Variants in ARHGAP1 observed in about 807,000 individuals in gnomAD.
ARHGAP1 encodes the protein rho GTPase-activating protein 1.
ARHGAP1 carries 23 observed loss-of-function variants against 52.2 expected under a neutral mutation model. The ratio of observed to expected loss-of-function variants is 0.44; its 90% CI spans 0.32 to 0.62. ARHGAP1 has a LOEUF of 0.62. Ranked by LOEUF, ARHGAP1 falls within the 20% of genes least tolerant of loss-of-function variation. The pLI is 0.05. For missense variants in ARHGAP1, 480 were observed against 560.9 expected (o/e 0.86, Z 1.46); for synonymous variants, 210 against 228.4 (o/e 0.92, Z 0.73).
chr11:46,680,892 G>T lies in ARHGAP1; in HGVS notation c.635+119C>A. The T allele has an allele frequency of 8.9e-7, 1 of 1,123,640 alleles. No individual in the cohort carries two copies. The highest frequency in any genetic ancestry group is 1.3e-6 in the Non-Finnish European group (1 of 775,738). The allele number at this position is 1,123,640 out of a possible 1,614,324, so 69.6% of individuals were successfully genotyped here. A position where few individuals can be genotyped will look rare whatever the true frequency, so the allele number is the denominator to read the frequency against. On this transcript the variant is annotated intron_variant, in intron 7 of 12. Coordinates refer to ENST00000311956, the MANE Select transcript of ARHGAP1 (RefSeq NM_004308.5). This position sits in a 1 kb window ranked among gnomAD's most constrained non-coding sequence, Gnocchi z 5.9. ...TCCGCTTTCCACAGCAGAAAGCAAA[G>T]ACCTGGGAGAGGTCGGGACACGGGC...
At chr11:46,694,799 G>C (rs1211637289) in intron 3 of ARHGAP1, among the ~76,000 whole-genome samples, 1 of 152,198 alleles carries the variant, frequency 6.6e-6, no homozygotes, top group African/African-American at 2.4e-5. Flanking sequence ...CACCTTTGAC[G>C]TTCGGGGCAA....
intron 1 of ARHGAP1, among the ~76,000 whole-genome samples, chr11:46,698,520 A>C (rs182066347): frequency 3.9e-5 from 6 of 151,940 alleles, no homozygotes; most frequent in East Asian, 1.9e-4. Context: ...AGGCAGGAGA[A>C]TCACTTGAAC....
rs929534574 is a variant in ARHGAP1, at chr11:46,677,196, C to T, written c.*1841G>A. 6.6e-6 allele frequency: 1 copy of T among 152,618 alleles called. No individual in the cohort carries two copies. Among genetic ancestry groups the T allele is most frequent in the African/African-American group, 2.4e-5 (1 of 41,458 alleles). The allele number at this position is 152,618 out of a possible 1,614,324, so 9.5% of individuals were successfully genotyped here. A position where few individuals can be genotyped will look rare whatever the true frequency, so the allele number is the denominator to read the frequency against. On this transcript the variant is annotated 3_prime_UTR_variant, in exon 13 of 13. Transcript: ENST00000311956. ...ACTGGATTCACACAGTACAAGCACC[C>T]GCTCCCTGGGGTACAGACCAGTGGG...
intron 4 of ARHGAP1, among the ~76,000 whole-genome samples, chr11:46,683,038 T>C (rs1260203874): frequency 2.0e-4 from 1 of 5,116 alleles, no homozygotes; most frequent in East Asian, 0.021. Flanking sequence ...CAAAGCCTGC[T>C]TTTTTTTTTT....
intron 3 of ARHGAP1, among the ~76,000 whole-genome samples, chr11:46,693,446 C>A (rs2064629704): frequency 6.6e-6 from 1 of 150,876 alleles, no homozygotes. Context: ...TGCTCTATCA[C>A]CCAGGCTGGA....
At chr11:46,693,351 C>T (rs2064629032) in intron 3 of ARHGAP1, among the ~76,000 whole-genome samples, 2 of 151,464 alleles carry the variant, frequency 1.3e-5, no homozygotes, top group South Asian at 4.2e-4. Context: ...GGATACCTTT[C>T]ATAGTTGCAA....
chr11:46,689,780 C>A (rs2064597358), intron 3 of ARHGAP1, among the ~76,000 whole-genome samples: 1 of 152,082 alleles, frequency 6.6e-6, no homozygotes. Flanking sequence ...ACGTCACGAT[C>A]CACCTGCCTT....
In ARHGAP1 at chr11:46,688,242, C is replaced by T. The variant is rs138980294; in HGVS notation, c.248G>A (p.Arg83Gln). Residue 83 changes from arginine (R) to glutamine (Q), a missense_variant, in exon 4 of 13, where the codon CGG becomes CAG. Coordinates refer to ENST00000311956, the MANE Select transcript of ARHGAP1 (RefSeq NM_004308.5). ...VEVAGDDKYGRKIIVFSACRM... is the reference protein window; with the variant it reads ...VEVAGDDKYGQKIIVFSACRM... ...ACAGGCACTAAACACAATGATCTTC[C>T]GCCCATACTTGTCATCTCCTAGGTG... 133 of 1,613,738 alleles carry T rather than the reference C, an allele frequency of 8.2e-5. No homozygotes were observed. Among genetic ancestry groups the T allele is most frequent in the Admixed American group, 2.8e-4 (17 of 59,978 alleles).
chr11:46,699,598 G>A (rs368361050), intron 1 of ARHGAP1, among the ~76,000 whole-genome samples: 1 of 151,994 alleles, frequency 6.6e-6, no homozygotes, highest in African/African-American at 2.4e-5. Flanking sequence ...AGCTACCTGG[G>A]AGGCTGAGGC....
intron 4 of ARHGAP1, chr11:46,686,871 T>C (rs1592387760): frequency 6.6e-6 from 1 of 152,206 alleles, no homozygotes; most frequent in South Asian, 2.1e-4. Flanking sequence ...TGACTGAAAA[T>C]GGGACAAAGT....
At position 46,678,766 on chromosome 11, in the gene ARHGAP1, T is replaced by A. The variant is rs1239178527; in HGVS notation, c.*271A>T. On this transcript the variant is annotated 3_prime_UTR_variant, in exon 13 of 13. Transcript: ENST00000311956. ...AAAGGGGTTACTGGGGCTCAGTCCT[T>A]CTCCAGCTGGAAGAGCCAAGCCCAG... The A allele has an allele frequency of 3.3e-5, 16 of 481,770 alleles. No homozygotes were observed. The highest frequency in any genetic ancestry group is 4.8e-5 in the Non-Finnish European group (13 of 270,506). The allele number at this position is 481,770 out of a possible 1,614,324, so 29.8% of individuals were successfully genotyped here. A position where few individuals can be genotyped will look rare whatever the true frequency, so the allele number is the denominator to read the frequency against.
intron 3 of ARHGAP1, among the ~76,000 whole-genome samples, chr11:46,693,372 G>A (rs2064629245): frequency 1.3e-5 from 2 of 150,314 alleles, no homozygotes; most frequent in South Asian, 4.2e-4. Context: ...AGTGGACTGT[G>A]ACCAGTTTTA....
intron 3 of ARHGAP1, among the ~76,000 whole-genome samples, chr11:46,688,607 A>C (rs1256188170): frequency 6.6e-6 from 1 of 151,798 alleles, no homozygotes; most frequent in Non-Finnish European, 1.5e-5. Flanking sequence ...TCAGCCTCCC[A>C]AGTAGCCAGG....
chr11:46,681,599 AATTTTTGT>A lies in ARHGAP1; in HGVS notation c.450-228_450-221del, dbSNP rs1374346484. 4.1e-6 allele frequency: 2 copies of A among 493,510 alleles called. No homozygotes were observed. The highest frequency in any genetic ancestry group is 3.9e-5 in the African/African-American group (2 of 51,200). 30.6% of individuals were successfully genotyped at this position (493,510 alleles called of 1,614,324 possible). On this transcript the variant is annotated intron_variant, in intron 5 of 12. Coordinates refer to ENST00000311956, the MANE Select transcript of ARHGAP1 (RefSeq NM_004308.5). This position sits in a 1 kb window ranked among gnomAD's most constrained non-coding sequence, Gnocchi z 5.7. Reference sequence around the variant, plus strand: ...CAGGCACCCACCACCACACCTAGCTAATTTTTGTATTTTTAGCGGAGACAGGGTTTCAC... The same window carrying A: ...CAGGCACCCACCACCACACCTAGCTAATTTTTAGCGGAGACAGGGTTTCAC...
chr11:46,682,482 A>C (rs2064536683), intron 4 of ARHGAP1, among the ~76,000 whole-genome samples: 1 of 152,200 alleles, frequency 6.6e-6, no homozygotes, highest in South Asian at 2.1e-4. Context: ...TCAGGAGTTC[A>C]AGACCAGCCT....
Position 46,678,939 on chromosome 11 carries a change from C to T in ARHGAP1, c.*98G>A. The T allele has an allele frequency of 7.3e-7, 1 of 1,372,102 alleles. No homozygotes were observed. The highest frequency in any genetic ancestry group is 1.4e-5 in the South Asian group (1 of 73,098). The allele number at this position is 1,372,102 out of a possible 1,614,324, so 85.0% of individuals were successfully genotyped here. A position where few individuals can be genotyped will look rare whatever the true frequency, so the allele number is the denominator to read the frequency against. On this transcript the variant is annotated 3_prime_UTR_variant, in exon 13 of 13. Transcript: ENST00000311956. ...GGAGAGCATGCCTGATGGGTGGCTC[C>T]AACATCTCTCTCCAGGGGGCTTCAT... is the stretch of plus-strand genomic sequence containing the variant.
intron 1 of ARHGAP1, among the ~76,000 whole-genome samples, chr11:46,700,337 G>A (rs2064692327): frequency 6.6e-6 from 1 of 152,134 alleles, no homozygotes; most frequent in African/African-American, 2.4e-5. Flanking sequence ...GCAGGAAGAA[G>A]GTAGTGAAAA....
intron 4 of ARHGAP1, 190 bp downstream of exon 4, chr11:46,687,983 C>A: frequency 1.8e-6 from 1 of 553,640 alleles, no homozygotes; most frequent in Non-Finnish European, 3.1e-6. Context: ...GCTTCAATAA[C>A]TAGAAACTAG....
Position 46,696,073 on chromosome 11 carries a change from G to A in ARHGAP1, c.35C>T (p.Thr12Ile). The change falls in exon 2 of 13, where the codon ACC becomes ATC. Residue 12 changes from threonine (T) to isoleucine (I), a missense_variant. Thr to Ile is a moderately conservative substitution (Grantham distance 89, BLOSUM62 -1). Transcript: ENST00000311956. This position sits in a 1 kb window ranked among gnomAD's most constrained non-coding sequence, Gnocchi z 4.8. Reference sequence around the variant, plus strand: ...CAGAGCCTCGCTGGTGTCATCCAAGGTCAGATCATCCTGCAGCTCTGAGAG... The same window carrying A: ...CAGAGCCTCGCTGGTGTCATCCAAGATCAGATCATCCTGCAGCTCTGAGAG... ...DPLSELQDDL[T>I]LDDTSEALNQ... 6.2e-7 allele frequency: 1 copy of A among 1,611,550 alleles called. No individual in the cohort carries two copies. The highest frequency in any genetic ancestry group is 1.1e-5 in the South Asian group (1 of 90,606).
Sources: allele counts gnomAD v4.1 joint callset (sites outside exome capture counted in the v4.1 genomes callset), GRCh38; gene constraint gnomAD v4.1.1; non-coding constraint Gnocchi (gnomAD v3.1); transcripts MANE v1.5; gene names NCBI Gene and HGNC (gene_info 2026-07-23, HGNC 2026-07-21).